The following TTC28 variants were observed in gnomAD, a reference collection of about 807,000 sequenced individuals.
TTC28 encodes tetratricopeptide repeat domain 28, also known as tetratricopeptide repeat protein 28.
TTC28 carries 61 observed loss-of-function variants against 198.0 expected under a neutral mutation model. The ratio of observed to expected loss-of-function variants is 0.31; its 90% CI spans 0.25 to 0.38. The LOEUF (loss-of-function observed/expected upper bound fraction) is 0.38, where lower values mean the gene tolerates loss of function less well. TTC28 is among the 10% of genes least tolerant of loss of function. TTC28 has a pLI of 1.00. For missense variants in TTC28, 2,678 were observed against 3,164.0 expected (o/e 0.85, Z 3.69); for synonymous variants, 1,171 against 1,297.8 (o/e 0.90, Z 2.10).
At chr22:28,364,853 A>G (rs1403289500) in intron 2 of TTC28, among the ~76,000 whole-genome samples, 1 of 152,182 alleles carries the variant, frequency 6.6e-6, no homozygotes, top group Non-Finnish European at 1.5e-5. Context: ...GATAGAAACT[A>G]CTCCTGGTAA....
chr22:28,046,104 G>C (rs1939852655), intron 12 of TTC28, among the ~76,000 whole-genome samples: 1 of 152,224 alleles, frequency 6.6e-6, no homozygotes. Context: ...GAAATTTTTA[G>C]CTGTACCAAT....
intron 5 of TTC28, among the ~76,000 whole-genome samples, chr22:28,233,562 C>T (rs954998368): frequency 6.6e-6 from 1 of 152,104 alleles, no homozygotes; most frequent in Admixed American, 6.6e-5. Context: ...CCCAGTTAGA[C>T]ATATGTATTC....
intron 2 of TTC28, among the ~76,000 whole-genome samples, chr22:28,544,807 A>C (rs1040983337): frequency 6.6e-6 from 1 of 152,196 alleles, no homozygotes; most frequent in Non-Finnish European, 1.5e-5. Context: ...ACAGTTTATA[A>C]ATGCCATGGC....
rs548038051 is a variant in TTC28, at chr22:28,040,387, C to T, written c.3933-10021G>A. On this transcript the variant is annotated intron_variant, in intron 12 of 22. Transcript: ENST00000397906. ...AGCAGCACATAAAAAAGCTTATCCA[C>T]CACGATCAAGTCGTCTTCATCCCTG... Among the ~76,000 whole-genome samples the T allele has an allele frequency of 3.3e-5, 5 of 152,304 alleles. No individual in the cohort carries two copies. The East Asian group carries it at 7.7e-4, about 24-fold the overall frequency.
At chr22:28,444,257 T>A (rs187825021) in intron 2 of TTC28, among the ~76,000 whole-genome samples, 1 of 152,362 alleles carries the variant, frequency 6.6e-6, no homozygotes, top group Admixed American at 6.5e-5. Flanking sequence ...CCAACTGATA[T>A]GCATAATAAT....
intron 1 of TTC28, among the ~76,000 whole-genome samples, chr22:28,632,780 AAGG>A (rs951540752): frequency 6.6e-5 from 10 of 151,706 alleles, no homozygotes; most frequent in Admixed American, 3.9e-4. Flanking sequence ...AAAAAAAAAA[AAGG>A]AGAAGAAGAA....
intron 2 of TTC28, among the ~76,000 whole-genome samples, chr22:28,583,214 G>A (rs1016628083): frequency 6.6e-6 from 1 of 152,008 alleles, no homozygotes; most frequent in African/African-American, 2.4e-5. Flanking sequence ...TTAAAAAAAT[G>A]AGGACATCAT....
At chr22:28,237,070 C>G (rs1929301554) in intron 5 of TTC28, among the ~76,000 whole-genome samples, 1 of 152,126 alleles carries the variant, frequency 6.6e-6, no homozygotes, top group Non-Finnish European at 1.5e-5. Context: ...TCTTCTGGAT[C>G]AAGTGAGCAT....
intron 12 of TTC28, among the ~76,000 whole-genome samples, chr22:28,069,925 AACACACACACACACACAC>A (rs60436240): frequency 4.2e-5 from 6 of 142,052 alleles, no homozygotes; most frequent in Non-Finnish European, 7.8e-5. Context: ...AGGTTGTACA[AACACACACACACACACAC>A]ACACACACAC....
chr22:28,264,351 C>G (rs113954903), intron 5 of TTC28, among the ~76,000 whole-genome samples: 3 of 152,254 alleles, frequency 2.0e-5, no homozygotes, highest in African/African-American at 7.2e-5. Context: ...ACTGTGAGTC[C>G]ATTAAACCTC....
chr22:28,186,458 A>G (rs556940033), intron 5 of TTC28, among the ~76,000 whole-genome samples: 2 of 152,326 alleles, frequency 1.3e-5, no homozygotes, highest in South Asian at 4.1e-4. Context: ...AGGATGGGCT[A>G]TGCTTCAGGT....
At chr22:28,404,732 A>ATG in intron 2 of TTC28, among the ~76,000 whole-genome samples, 1 of 152,356 alleles carries the variant, frequency 6.6e-6, no homozygotes, top group East Asian at 1.9e-4. Flanking sequence ...TAGGTGTCAA[A>ATG]GTCTCAACTG....
chr22:28,453,106 C>T lies in TTC28; in HGVS notation c.382-146463G>A, dbSNP rs1445293449. 9.9e-5 allele frequency among the ~76,000 whole-genome samples: 15 copies of T among 152,270 alleles called. No individual in the cohort carries two copies. The East Asian group carries it at 1.9e-3, about 20-fold the overall frequency. On this transcript the variant is annotated intron_variant, in intron 2 of 22. Transcript: ENST00000397906. The stretch of plus-strand genomic sequence containing the variant: ...GATGAGATCCAGGTACCTGTTTTCC[C>T]TTGGATTCTGCCCATTATCTAAACC...
intron 2 of TTC28, among the ~76,000 whole-genome samples, chr22:28,396,372 T>A (rs768104659): frequency 6.6e-6 from 1 of 152,222 alleles, no homozygotes; most frequent in African/African-American, 2.4e-5. Flanking sequence ...CCACTGGCTG[T>A]CTGTTCATAC....
intron 2 of TTC28, among the ~76,000 whole-genome samples, chr22:28,475,946 T>C (rs1473747850): frequency 3.3e-5 from 5 of 152,222 alleles, no homozygotes; most frequent in Admixed American, 6.5e-5. Flanking sequence ...ATTTCTGCTT[T>C]GAATGAAATT....
intron 2 of TTC28, among the ~76,000 whole-genome samples, chr22:28,461,688 C>G (rs2047952938): frequency 6.6e-6 from 1 of 152,182 alleles, no homozygotes; most frequent in South Asian, 2.1e-4. Context: ...CTTGGCCTCC[C>G]AAAGTGCTGG....
intron 2 of TTC28, among the ~76,000 whole-genome samples, chr22:28,470,307 G>A (rs76540016): frequency 0.019 from 2,948 of 152,212 alleles, 29 homozygotes; most frequent in Non-Finnish European, 0.026. Flanking sequence ...ATTCTTTCAC[G>A]TTTTCATGCA....
At chr22:28,101,370 T>C (rs1470066156) in intron 8 of TTC28, 90 bp from the exon 9 acceptor site, 11 of 1,117,872 alleles carry the variant, frequency 9.8e-6, no homozygotes, top group Non-Finnish European at 1.4e-5. Context: ...TACTTTTGTG[T>C]TTTTGTTTGT....
intron 5 of TTC28, among the ~76,000 whole-genome samples, chr22:28,274,658 G>C (rs958625034): frequency 6.6e-6 from 1 of 152,122 alleles, no homozygotes; most frequent in African/African-American, 2.4e-5. Context: ...AAGAAGTATG[G>C]ATTGCCAGAT....
Sources: gnomAD v4.1 joint callset for allele counts (sites outside exome capture counted in the v4.1 genomes callset) on GRCh38, gnomAD v4.1.1 for gene constraint, MANE v1.5 for transcripts, NCBI Gene and HGNC (gene_info 2026-07-23, HGNC 2026-07-21) for gene names.